HOXA13: variants seen among roughly 807,000 people sequenced by gnomAD.
HOXA13 encodes the protein homeobox A13.
In HOXA13, 5 loss-of-function variants were observed where a neutral mutation model predicts 25.7. That is an observed-to-expected ratio of 0.19 (90% CI 0.10 to 0.41). The LOEUF (loss-of-function observed/expected upper bound fraction) is 0.41. Among genes scored for constraint, HOXA13 ranks in the 10% least tolerant of loss-of-function variants. HOXA13 has a pLI of 1.00. For missense variants in HOXA13, 557 were observed against 533.5 expected, an observed-to-expected ratio of 1.04 and a Z score of -0.43; for synonymous variants, 284 against 241.1, an observed-to-expected ratio of 1.18 and a Z score of -1.65.
At chr7:27,198,687 G>A in intron 1 of HOXA13, 1 of 579,962 alleles carries the variant, frequency 1.7e-6, no homozygotes, top group Non-Finnish European at 3.1e-6. Context: ...CAGCGCGTAG[G>A]CAGCCTCGAG....
intron 1 of HOXA13, chr7:27,198,813 T>G: frequency 2.1e-6 from 1 of 485,050 alleles, no homozygotes; most frequent in Non-Finnish European, 3.7e-6. Flanking sequence ...ACTGAAGCCA[T>G]TTTTGAGAGA....
At position 27,199,853 on chromosome 7, in the gene HOXA13, C is replaced by G; in HGVS notation, c.225G>C (p.Ala75=). 1.0e-6 allele frequency: 1 copy of G among 993,394 alleles called. No individual in the cohort carries two copies. The highest frequency in any genetic ancestry group is 1.2e-6 in the Non-Finnish European group (1 of 833,262). 61.5% of individuals were successfully genotyped at this position (993,394 alleles called of 1,614,324 possible). A position where few individuals can be genotyped will look rare whatever the true frequency, so the allele number is the denominator to read the frequency against. ...CCGCGGCCGCCGCCGCAGCCGCGGC[C>G]GCCGCCGCCACCGAGAAGTTGCCCC... The part of the protein sequence containing the change: ...AAGGNFSVAA[A]AAAAAAAAAN... The change falls in exon 1 of 2, where the codon GCG becomes GCC. Residue 75 remains alanine (A), a synonymous_variant. Transcript: ENST00000649031.
At position 27,198,496 on chromosome 7, in the gene HOXA13, A is replaced by G. The variant is rs1784033608; in HGVS notation, c.923-54T>C. ...ACAGGGATCGGACCCCAGCCAGGGC[A>G]TAGGCGACAGCTCGATCTGAGCCAC... On this transcript the variant is annotated intron_variant, in intron 1 of 1. Transcript: ENST00000649031. 3.1e-6 allele frequency: 5 copies of G among 1,608,744 alleles called. No homozygotes were observed. The South Asian group carries it at 5.5e-5, about 18-fold the overall frequency.
rs1400047830 is a variant in HOXA13, at chr7:27,199,901, G to C, written c.177C>G (p.Pro59=). ...CCCCTGCCGCCGCAGCCGCCGGGTG[G>C]GGGAAGCCCCCGCCCCCGGCCCCGG... The part of the protein sequence containing the change: ...AAAGAGGGGF[P]HPAAAAAGGN... Residue 59 remains proline, a synonymous_variant, in exon 1 of 2, where the codon CCC becomes CCG. Coordinates refer to ENST00000649031, the MANE Select transcript of HOXA13 (RefSeq NM_000522.5). The C allele has an allele frequency of 1.8e-6, 2 of 1,114,040 alleles. No homozygotes were observed. The highest frequency in any genetic ancestry group is 2.2e-6 in the Non-Finnish European group (2 of 907,778). The allele number at this position is 1,114,040 out of a possible 1,614,324, so 69.0% of individuals were successfully genotyped here.
chr7:27,199,746 T>C lies in HOXA13; in HGVS notation c.332A>G (p.Glu111Gly). The C allele has an allele frequency of 1.0e-6, 1 of 988,816 alleles. No homozygotes were observed. Among genetic ancestry groups the C allele is most frequent in the Non-Finnish European group, 1.2e-6 (1 of 835,656 alleles). 61.3% of individuals were successfully genotyped at this position (988,816 alleles called of 1,614,324 possible). ...AGCGGCGGCAGCCGACGGGGGCGCCTCCCCGGGGGCGCTGCTGTAGGCGGA... is the reference window on the plus strand; with the variant it reads ...AGCGGCGGCAGCCGACGGGGGCGCCCCCCCGGGGGCGCTGCTGTAGGCGGA... ...AASAYSSAPG[E>G]APPSAAAAAA... Residue 111 changes from glutamate (E) to glycine (G), a missense_variant, in exon 1 of 2, where the codon GAG (glutamate) becomes GGG (glycine). Physicochemically the swap from Glu to Gly is moderately conservative, Grantham distance 98. Coordinates refer to ENST00000649031, the MANE Select transcript of HOXA13 (RefSeq NM_000522.5).
At position 27,199,837 on chromosome 7, in the gene HOXA13, C is replaced by T; in HGVS notation, c.241G>A (p.Ala81Thr). 1.0e-6 allele frequency: 1 copy of T among 989,828 alleles called. No homozygotes were observed. Among genetic ancestry groups the T allele is most frequent in the Non-Finnish European group, 1.2e-6 (1 of 833,612 alleles). The allele number at this position is 989,828 out of a possible 1,614,324, so 61.3% of individuals were successfully genotyped here. A position where few individuals can be genotyped will look rare whatever the true frequency, so the allele number is the denominator to read the frequency against. The change falls in exon 1 of 2, where the codon GCG becomes ACG. Residue 81 changes from alanine (A) to threonine (T), a missense_variant. Physicochemically the swap from Ala to Thr is moderately conservative, Grantham distance 58. Coordinates refer to ENST00000649031, the MANE Select transcript of HOXA13 (RefSeq NM_000522.5). ...SVAAAAAAAA[A>T]AAANQCRNLM... ...TTGCGGCACTGGTTGGCCGCGGCCG[C>T]CGCCGCAGCCGCGGCCGCCGCCGCC...
rs1783998338 is a variant in HOXA13 at position 27,195,882 on chromosome 7, G to T, written c.*2316C>A. The T allele has an allele frequency of 6.6e-6, 1 of 152,226 alleles. No homozygotes were observed. Among genetic ancestry groups the T allele is most frequent in the Non-Finnish European group, 1.5e-5 (1 of 68,040 alleles). 9.4% of individuals were successfully genotyped at this position (152,226 alleles called of 1,614,324 possible). A position where few individuals can be genotyped will look rare whatever the true frequency, so the allele number is the denominator to read the frequency against. On this transcript the variant is annotated 3_prime_UTR_variant, in exon 2 of 2. Coordinates refer to ENST00000649031, the MANE Select transcript of HOXA13 (RefSeq NM_000522.5). ...AGACTCCTCAATAGCTCTAATTACA[G>T]TGTGAGACCACCCTGGAGGGTGAGG...
rs894691783 is a variant in HOXA13, at chr7:27,195,718, C to A, written c.*2480G>T. The A allele has an allele frequency of 2.0e-5, 3 of 152,110 alleles. No homozygotes were observed. Among genetic ancestry groups the A allele is most frequent in the Non-Finnish European group, 4.4e-5 (3 of 68,014 alleles). 9.4% of individuals were successfully genotyped at this position (152,110 alleles called of 1,614,324 possible). A position where few individuals can be genotyped will look rare whatever the true frequency, so the allele number is the denominator to read the frequency against. On this transcript the variant is annotated 3_prime_UTR_variant, in exon 2 of 2. Coordinates refer to ENST00000649031, the MANE Select transcript of HOXA13 (RefSeq NM_000522.5). ...TCCAGGATAACTCTCGTTCTGTATCCAATCCTGTGGTCATTTTGTAGATAT... is the reference window on the plus strand; with the variant it reads ...TCCAGGATAACTCTCGTTCTGTATCAAATCCTGTGGTCATTTTGTAGATAT...
At chr7:27,199,115 C>T in intron 1 of HOXA13, 41 bp downstream of exon 1, 1 of 1,580,110 alleles carries the variant, frequency 6.3e-7, no homozygotes, top group Non-Finnish European at 8.6e-7. Context: ...GAAGCTGGAG[C>T]AGAGCCGGAA....
rs774388075 is a variant in HOXA13, at chr7:27,199,460, G to C, written c.618C>G (p.Phe206Leu). The change falls in exon 1 of 2, where the codon TTC (phenylalanine) becomes TTG (leucine). Residue 206 changes from phenylalanine (F) to leucine (L), a missense_variant. Transcript: ENST00000649031. ...QPASAAAAAAFADKYMDTAGP... is the reference protein window; with the variant it reads ...QPASAAAAAALADKYMDTAGP... ...CGGCGGTATCCATGTACTTGTCCGCGAAGGCGGCGGCGGCGGCGGCCGAGG... is the reference window on the plus strand; with the variant it reads ...CGGCGGTATCCATGTACTTGTCCGCCAAGGCGGCGGCGGCGGCGGCCGAGG... 27 of 1,612,760 alleles carry C rather than the reference G, an allele frequency of 1.7e-5. No individual in the cohort carries two copies. The Middle Eastern group carries it at 6.6e-4, about 39-fold the overall frequency.
Position 27,195,397 on chromosome 7 carries a change from C to T in HOXA13, c.*2801G>A, listed in dbSNP as rs1227707027. The T allele has an allele frequency of 6.6e-6, 1 of 152,164 alleles. No individual in the cohort carries two copies. Among genetic ancestry groups the T allele is most frequent in the Non-Finnish European group, 1.5e-5 (1 of 68,034 alleles). 9.4% of individuals were successfully genotyped at this position (152,164 alleles called of 1,614,324 possible). A position where few individuals can be genotyped will look rare whatever the true frequency, so the allele number is the denominator to read the frequency against. The stretch of plus-strand genomic sequence containing the variant: ...GCCTGCATCTCACAATTCTGCATCC[C>T]ACGGCTACTGATTCCACCAACATTT... On this transcript the variant is annotated 3_prime_UTR_variant, in exon 2 of 2. Transcript: ENST00000649031.
chr7:27,199,717 C>T lies in HOXA13; in HGVS notation c.361G>A (p.Ala121Thr). 2 of 1,007,530 alleles carry T rather than the reference C, an allele frequency of 2.0e-6. No homozygotes were observed. Among genetic ancestry groups the T allele is most frequent in the Non-Finnish European group, 2.4e-6 (2 of 845,408 alleles). The allele number at this position is 1,007,530 out of a possible 1,614,324, so 62.4% of individuals were successfully genotyped here. A position where few individuals can be genotyped will look rare whatever the true frequency, so the allele number is the denominator to read the frequency against. The change falls in exon 1 of 2, where the codon GCC (alanine) becomes ACC (threonine). Residue 121 changes from alanine to threonine, a missense_variant. Transcript: ENST00000649031. ...GCGGCGGCTGCAGCGGCAGCCGCGG[C>T]AGCAGCGGCGGCAGCCGACGGGGGC... ...EAPPSAAAAA[A>T]AAAAAAAAAA...
chr7:27,198,307 C>T lies in HOXA13; in HGVS notation c.1058G>A (p.Arg353Lys), dbSNP rs756284262. The change falls in exon 2 of 2, where the codon AGG (arginine) becomes AAG (lysine). Residue 353 changes from arginine to lysine, a missense_variant. Coordinates refer to ENST00000649031, the MANE Select transcript of HOXA13 (RefSeq NM_000522.5). The stretch of plus-strand genomic sequence containing the variant: ...GAGATTCGTCGTGGCTGATATCCGC[C>T]TCCGTTTGTCCTTAGTAATGAATTT... ...TNKFITKDKR[R>K]RISATTNLSE... 2.5e-6 allele frequency: 4 copies of T among 1,614,222 alleles called. No homozygotes were observed. The Admixed American group carries it at 6.7e-5, about 27-fold the overall frequency.
chr7:27,196,347 A>G lies in HOXA13; in HGVS notation c.*1851T>C, dbSNP rs1204202565. On this transcript the variant is annotated 3_prime_UTR_variant, in exon 2 of 2. Transcript: ENST00000649031. ...AAGAGCTCTTGATTCCCTTGGTTGA[A>G]GAATTACAAGGAGGCTTGTCAACGC... 1.3e-5 allele frequency: 2 copies of G among 152,196 alleles called. No homozygotes were observed. Among genetic ancestry groups the G allele is most frequent in the African/African-American group, 4.8e-5 (2 of 41,444 alleles). The allele number at this position is 152,196 out of a possible 1,614,324, so 9.4% of individuals were successfully genotyped here. A position where few individuals can be genotyped will look rare whatever the true frequency, so the allele number is the denominator to read the frequency against.
At chr7:27,198,590 G>A in intron 1 of HOXA13, 148 bp from the exon 2 acceptor site, 3 of 897,304 alleles carry the variant, frequency 3.3e-6, no homozygotes, top group South Asian at 1.4e-5. Context: ...AAGCCTAGAG[G>A]GTCAGTGGGG....
rs762127396 is a variant in HOXA13 at position 27,199,461 on chromosome 7, A to T, written c.617T>A (p.Phe206Tyr). 5.0e-6 allele frequency: 8 copies of T among 1,612,498 alleles called. No individual in the cohort carries two copies. Among genetic ancestry groups the T allele is most frequent in the Non-Finnish European group, 6.8e-6 (8 of 1,179,614 alleles). ...GGCGGTATCCATGTACTTGTCCGCGAAGGCGGCGGCGGCGGCGGCCGAGGC... is the reference window on the plus strand; with the variant it reads ...GGCGGTATCCATGTACTTGTCCGCGTAGGCGGCGGCGGCGGCGGCCGAGGC... ...QPASAAAAAAFADKYMDTAGP... is the reference protein window; with the variant it reads ...QPASAAAAAAYADKYMDTAGP... The change falls in exon 1 of 2, where the codon TTC becomes TAC. Residue 206 changes from phenylalanine to tyrosine, a missense_variant. Coordinates refer to ENST00000649031, the MANE Select transcript of HOXA13 (RefSeq NM_000522.5).
rs2115471584 is a variant in HOXA13, at chr7:27,198,430, T to G, written c.935A>C (p.His312Pro). The G allele has an allele frequency of 6.2e-7, 1 of 1,614,006 alleles. No homozygotes were observed. The highest frequency in any genetic ancestry group is 8.5e-7 in the Non-Finnish European group (1 of 1,180,032). The part of the protein sequence containing the change: ...WKSTLPDVVS[H>P]PSDASSYRRG... ...CCTATAGGAGCTGGCATCCGAGGGA[T>G]GGGAGACCACGTCTAGAAGACAAGG... The change falls in exon 2 of 2, where the codon CAT becomes CCT. Residue 312 changes from histidine (H) to proline (P), a missense_variant. Coordinates refer to ENST00000649031, the MANE Select transcript of HOXA13 (RefSeq NM_000522.5).
chr7:27,199,752 G>A lies in HOXA13; in HGVS notation c.326C>T (p.Pro109Leu), dbSNP rs1358608392. 3 of 997,736 alleles carry A rather than the reference G, an allele frequency of 3.0e-6. No homozygotes were observed. The highest frequency in any genetic ancestry group is 3.6e-6 in the Non-Finnish European group (3 of 839,132). 61.8% of individuals were successfully genotyped at this position (997,736 alleles called of 1,614,324 possible). Residue 109 changes from proline to leucine, a missense_variant, in exon 1 of 2, where the codon CCC becomes CTC. By Grantham distance (98) the Pro-to-Leu change is moderately conservative. Transcript: ENST00000649031. ...PGAASAYSSA[P>L]GEAPPSAAAA... is the part of the protein sequence containing the mutation. ...GGCAGCCGACGGGGGCGCCTCCCCG[G>A]GGGCGCTGCTGTAGGCGGACGCGGC...
rs766459219 is a variant in HOXA13 at position 27,199,157 on chromosome 7, G to A, written c.921C>T (p.Pro307=). ...QPPHLWKSTL[P]DVVSHPSDAS... ...GGCTGGGAATAGGTCGTCATTTACC[G>A]GGCAGAGTGGACTTCCAGAGGTGGG... The change falls in exon 1 of 2, where the codon CCC becomes CCT. Residue 307 remains proline, a splice_region_variant and synonymous_variant. Transcript: ENST00000649031. 5.6e-6 allele frequency: 9 copies of A among 1,609,662 alleles called. No homozygotes were observed. Among genetic ancestry groups the A allele is most frequent in the Non-Finnish European group, 4.2e-6 (5 of 1,179,000 alleles).
Sources: gnomAD v4.1 joint callset for allele counts on GRCh38, gnomAD v4.1.1 for gene constraint, MANE v1.5 for transcripts, NCBI Gene and HGNC (gene_info 2026-07-23, HGNC 2026-07-21) for gene names.